ROR1: variants seen among roughly 807,000 people sequenced by gnomAD.
ROR1 encodes the protein ROR family WNT receptor 1.
ROR1 carries 19 observed loss-of-function variants against 78.8 expected under a neutral mutation model. That is an observed-to-expected ratio of 0.24 (90% CI 0.17 to 0.35). The LOEUF is 0.35. Among genes scored for constraint, ROR1 ranks in the 10% least tolerant of loss-of-function variants. ROR1 has a pLI of 1.00. For synonymous variants in ROR1, 386 were observed against 433.6 expected (o/e 0.89, Z 1.36); for missense variants, 917 against 1,177.8 (o/e 0.78, Z 3.24).
intron 1 of ROR1, among the ~76,000 whole-genome samples, chr1:63,881,878 T>G (rs891075112): frequency 6.6e-6 from 1 of 152,166 alleles, no homozygotes; most frequent in African/African-American, 2.4e-5. Flanking sequence ...TGAGGCTTTG[T>G]CTGGACACAG....
intron 1 of ROR1, among the ~76,000 whole-genome samples, chr1:63,955,203 C>T (rs761491549): frequency 2.6e-5 from 4 of 152,118 alleles, no homozygotes; most frequent in Non-Finnish European, 4.4e-5. Flanking sequence ...AAATTAAGTT[C>T]AAATGTCTGA....
At chr1:63,894,632 T>C (rs1040203373) in intron 1 of ROR1, among the ~76,000 whole-genome samples, 2 of 152,138 alleles carry the variant, frequency 1.3e-5, no homozygotes, top group African/African-American at 4.8e-5. Context: ...AAGAGAAATA[T>C]AAGGAAGGAA....
At chr1:64,095,877 G>C (rs902473938) in intron 4 of ROR1, among the ~76,000 whole-genome samples, 2 of 152,164 alleles carry the variant, frequency 1.3e-5, no homozygotes, top group Admixed American at 6.5e-5. Context: ...AAGAAGTAAA[G>C]TGATAGGCTA....
At chr1:63,867,707 A>G (rs770588758) in intron 1 of ROR1, among the ~76,000 whole-genome samples, 4 of 152,172 alleles carry the variant, frequency 2.6e-5, no homozygotes, top group Non-Finnish European at 4.4e-5. Context: ...TTCCCCATCT[A>G]ATAAAAGTCA....
At position 63,783,873 on chromosome 1, in the gene ROR1, C is replaced by G. The variant is rs369939710; in HGVS notation, c.91+9365C>G. ...CATGTGGCAGGGTGCTCAGTGTGTT[C>G]CACGATATCCCCATTTTCCAGATAA... is the stretch of plus-strand genomic sequence containing the variant. On this transcript the variant is annotated intron_variant, in intron 1 of 8. Transcript: ENST00000371079. 1.7e-4 allele frequency among the ~76,000 whole-genome samples: 26 copies of G among 152,276 alleles called. 6 individuals are homozygous for G. The highest frequency in any genetic ancestry group is 1.2e-3 in the East Asian group (6 of 5,168).
chr1:63,988,616 C>A (rs1467087089), intron 1 of ROR1, among the ~76,000 whole-genome samples: 1 of 152,170 alleles, frequency 6.6e-6, no homozygotes, highest in Admixed American at 6.5e-5. Context: ...GAACTCTGAC[C>A]CATTAAACAC....
intron 1 of ROR1, among the ~76,000 whole-genome samples, chr1:63,822,204 C>G (rs918543035): frequency 2.0e-5 from 3 of 152,086 alleles, no homozygotes; most frequent in Admixed American, 2.0e-4. Flanking sequence ...CAGCGATTTG[C>G]CTATTTTGTT....
At chr1:64,110,918 T>C (rs1005261917) in intron 4 of ROR1, 1 of 152,036 alleles carries the variant, frequency 6.6e-6, no homozygotes, top group Non-Finnish European at 1.5e-5. Context: ...TCTGAATTTC[T>C]GATCCAAATC....
chr1:64,061,132 T>C (rs143835106), intron 4 of ROR1, among the ~76,000 whole-genome samples: 18 of 152,308 alleles, frequency 1.2e-4, no homozygotes, highest in Non-Finnish European at 2.2e-4. Context: ...TAGCACATAG[T>C]AGATGCCTAA....
chr1:63,875,345 T>A (rs1645278575), intron 1 of ROR1, among the ~76,000 whole-genome samples: 1 of 152,192 alleles, frequency 6.6e-6, no homozygotes, highest in Non-Finnish European at 1.5e-5. Context: ...AGTTAGTTTT[T>A]TCAGCAAGGC....
intron 1 of ROR1, among the ~76,000 whole-genome samples, chr1:63,903,363 A>T (rs1645501199): frequency 6.7e-6 from 1 of 150,174 alleles, no homozygotes; most frequent in Non-Finnish European, 1.5e-5. Context: ...TCTCCCTTCC[A>T]CTCCCACTTG....
chr1:64,079,470 A>ATTTTTTTTTT (rs71056020), intron 4 of ROR1, among the ~76,000 whole-genome samples: 2 of 146,278 alleles, frequency 1.4e-5, no homozygotes, highest in Non-Finnish European at 1.5e-5. Context: ...CTTGATTGGG[A>ATTTTTTTTTT]TTTTTTTTTT....
At chr1:63,875,331 G>A (rs1208329367) in intron 1 of ROR1, among the ~76,000 whole-genome samples, 1 of 152,182 alleles carries the variant, frequency 6.6e-6, no homozygotes, top group Non-Finnish European at 1.5e-5. Flanking sequence ...ACTATCTGAA[G>A]TGCAGTTAGT....
chr1:64,091,915 G>C (rs1220973153), intron 4 of ROR1, among the ~76,000 whole-genome samples: 1 of 152,166 alleles, frequency 6.6e-6, no homozygotes, highest in Non-Finnish European at 1.5e-5. Context: ...TCAAGGGATG[G>C]ATGGGGCTTT....
chr1:64,109,907 T>A (rs1648011883), intron 4 of ROR1, among the ~76,000 whole-genome samples: 1 of 152,110 alleles, frequency 6.6e-6, no homozygotes, highest in Non-Finnish European at 1.5e-5. Context: ...GATGTCCGAA[T>A]GTCTTATTAA....
intron 4 of ROR1, among the ~76,000 whole-genome samples, chr1:64,052,659 C>A (rs566883677): frequency 2.6e-5 from 4 of 152,114 alleles, no homozygotes; most frequent in Non-Finnish European, 5.9e-5. Flanking sequence ...TTTGATATCA[C>A]GCATCTCTGT....
intron 2 of ROR1, among the ~76,000 whole-genome samples, chr1:64,036,951 C>T (rs985259028): frequency 6.6e-6 from 1 of 152,196 alleles, no homozygotes; most frequent in African/African-American, 2.4e-5. Flanking sequence ...TCTGGAACAG[C>T]TGGGGCTGTT....
In ROR1 at chr1:63,921,012, G is replaced by A. The variant is rs138590250; in HGVS notation, c.92-88293G>A. 2.1e-3 allele frequency among the ~76,000 whole-genome samples: 318 copies of A among 152,308 alleles called. 6 individuals are homozygous for A. The highest frequency in any genetic ancestry group is 0.018 in the Admixed American group (283 of 15,300). ...GAAGAGGGAGCAGTAGGAGAGAAGG[G>A]TGATGAACAGACCCTACAAACGGAC... On this transcript the variant is annotated intron_variant, in intron 1 of 8. Transcript: ENST00000371079.
At position 64,121,010 on chromosome 1, in the gene ROR1, C is replaced by T. The variant is rs1648510471; in HGVS notation, c.483-16359C>T. Among the ~76,000 whole-genome samples, 9 of 134,512 alleles carry T rather than the reference C, an allele frequency of 6.7e-5. No homozygotes were observed. The South Asian group carries it at 2.0e-3, about 30-fold the overall frequency. 88.2% of individuals were successfully genotyped at this position (134,512 alleles called of 152,430 possible). A position where few individuals can be genotyped will look rare whatever the true frequency, so the allele number is the denominator to read the frequency against. ...GTAGTGTTTACCTTGTTCTGGATGA[C>T]TTCTTCAGCATTTCTCTTCATGGCC... is the stretch of plus-strand genomic sequence containing the variant. On this transcript the variant is annotated intron_variant, in intron 4 of 8. Transcript: ENST00000371079.
Sources: gnomAD v4.1 joint callset for allele counts (sites outside exome capture counted in the v4.1 genomes callset) on GRCh38, gnomAD v4.1.1 for gene constraint, MANE v1.5 for transcripts, NCBI Gene and HGNC (gene_info 2026-07-23, HGNC 2026-07-21) for gene names.